LRRC53: variants seen among roughly 807,000 people sequenced by gnomAD.
LRRC53 encodes leucine rich repeat containing 53, also known as leucine-rich repeat-containing protein 53.
LRRC53 carries 25 observed loss-of-function variants against 13.6 expected under a neutral mutation model. The observed-to-expected ratio is 1.83, with a 90% CI of 1.34 to 2.56. The LOEUF is 2.56. Among genes scored for constraint, LRRC53 ranks in the 30% most tolerant of loss-of-function variants. The probability of loss-of-function intolerance (pLI) is 0.00; values close to 1 mark genes in which losing one functional copy is unlikely to be tolerated. For missense variants in LRRC53, 527 were observed against 275.8 expected, an observed-to-expected ratio of 1.91 and a Z score of -6.45; for synonymous variants, 204 against 109.8, an observed-to-expected ratio of 1.86 and a Z score of -5.37.
At chr1:74,502,082 C>T (rs191808056) in intron 1 of LRRC53, among the ~76,000 whole-genome samples, 6 of 152,186 alleles carry the variant, frequency 3.9e-5, no homozygotes, top group Non-Finnish European at 8.8e-5. Context: ...TGTATCTCTA[C>T]CATATAATCT....
intron 1 of LRRC53, among the ~76,000 whole-genome samples, chr1:74,509,747 C>CTTTTTTTTTTTTTTTT (rs68193106): frequency 2.1e-5 from 1 of 47,784 alleles, no homozygotes; most frequent in Non-Finnish European, 3.6e-5. Context: ...ATCTGAATTT[C>CTTTTTTTTTTTTTTTT]TTTTTTTTTT....
At chr1:74,512,475 T>C (rs997156556) in intron 1 of LRRC53, 51 bp downstream of exon 1, 14 of 152,160 alleles carry the variant, frequency 9.2e-5, no homozygotes, top group African/African-American at 3.1e-4. Context: ...AATAAAGGTG[T>C]AAAAATCCAG....
chr1:74,528,362 G>A, the LRRC53 span, among the ~76,000 whole-genome samples: 1 of 152,118 alleles, frequency 6.6e-6, no homozygotes, highest in South Asian at 2.1e-4. Context: ...AGTGAGGAGC[G>A]GACCCACTTG....
At chr1:74,484,600 A>G (rs1668659841) in intron 1 of LRRC53, among the ~76,000 whole-genome samples, 1 of 152,166 alleles carries the variant, frequency 6.6e-6, no homozygotes, top group South Asian at 2.1e-4. Flanking sequence ...TTTGAACAAT[A>G]AGCTGGAGAA....
At chr1:74,510,719 A>G (rs1670144118) in intron 1 of LRRC53, among the ~76,000 whole-genome samples, 4 of 152,206 alleles carry the variant, frequency 2.6e-5, no homozygotes, top group South Asian at 4.1e-4. Flanking sequence ...ATAAAGTTTA[A>G]TTAAATATGG....
At chr1:74,512,336 A>G (rs1670271704) in intron 1 of LRRC53, among the ~76,000 whole-genome samples, 190 bp downstream of exon 1, 1 of 152,180 alleles carries the variant, frequency 6.6e-6, no homozygotes, top group Non-Finnish European at 1.5e-5. Flanking sequence ...AACTGTGCAA[A>G]ACAGGCAACA....
intron 1 of LRRC53, among the ~76,000 whole-genome samples, chr1:74,494,979 G>A (rs1201800699): frequency 6.6e-6 from 1 of 152,168 alleles, no homozygotes; most frequent in Non-Finnish European, 1.5e-5. Flanking sequence ...GGGTGGAGGG[G>A]ACAGAGCTTC....
the LRRC53 span, among the ~76,000 whole-genome samples, chr1:74,519,694 A>G: frequency 6.6e-6 from 1 of 152,254 alleles, no homozygotes. Flanking sequence ...ATAACCCCAC[A>G]GAATATATCT....
rs1488940666 is a variant in LRRC53, at chr1:74,469,850, G to A, written c.*28C>T. The A allele has an allele frequency of 2.5e-6, 1 of 400,348 alleles. No individual in the cohort carries two copies. The highest frequency in any genetic ancestry group is 4.4e-6 in the Non-Finnish European group (1 of 225,918). The allele number at this position is 400,348 out of a possible 1,614,324, so 24.8% of individuals were successfully genotyped here. A position where few individuals can be genotyped will look rare whatever the true frequency, so the allele number is the denominator to read the frequency against. On this transcript the variant is annotated 3_prime_UTR_variant, in exon 5 of 5. Transcript: ENST00000294635. ...CTTGAAGAAAGCTAAAGTAGAAAAG[G>A]ATTATTATTTGAGTTATTTTGTTCA...
intron 1 of LRRC53, among the ~76,000 whole-genome samples, chr1:74,493,402 T>G (rs1243491893): frequency 6.6e-6 from 1 of 152,060 alleles, no homozygotes; most frequent in Non-Finnish European, 1.5e-5. Context: ...ACAAAAAGAT[T>G]AAGCAAAAAG....
the LRRC53 span, among the ~76,000 whole-genome samples, chr1:74,535,028 G>A: frequency 1.7e-5 from 2 of 118,060 alleles, no homozygotes; most frequent in Non-Finnish European, 3.5e-5. Context: ...GCTGTGGCAT[G>A]TATGTAAAAA....
chr1:74,516,148 T>C (rs1009785620), upstream of LRRC53, among the ~76,000 whole-genome samples: 2 of 152,174 alleles, frequency 1.3e-5, no homozygotes, highest in Non-Finnish European at 2.9e-5. Flanking sequence ...TGATAATAAC[T>C]CTGGTATTTC....
At chr1:74,506,226 T>C (rs1570715509) in intron 1 of LRRC53, among the ~76,000 whole-genome samples, 1 of 152,334 alleles carries the variant, frequency 6.6e-6, no homozygotes, top group East Asian at 1.9e-4. Context: ...CATAGACACT[T>C]AGTATGTTCT....
intron 2 of LRRC53, 67 bp from the exon 3 acceptor site, chr1:74,481,035 G>T: frequency 3.1e-6 from 2 of 635,446 alleles, no homozygotes; most frequent in Non-Finnish European, 5.8e-6. Flanking sequence ...GTATGGTGGA[G>T]AGCAGAGAAT....
At chr1:74,516,373 G>A (rs1646348089), upstream of LRRC53, among the ~76,000 whole-genome samples, 1 of 152,148 alleles carries the variant, frequency 6.6e-6, no homozygotes, top group Admixed American at 6.5e-5. Flanking sequence ...AATAAGACAT[G>A]GTTTCTGACT....
intron 1 of LRRC53, among the ~76,000 whole-genome samples, chr1:74,484,242 A>G (rs1021765167): frequency 4.0e-5 from 6 of 151,640 alleles, no homozygotes; most frequent in South Asian, 2.1e-4. Context: ...GCAAATTATA[A>G]TAAAACCCTC....
Position 74,471,963 on chromosome 1 carries a change from A to T in LRRC53, c.1659T>A (p.Asp553Glu), listed in dbSNP as rs761002793. The T allele has an allele frequency of 1.1e-5, 7 of 616,710 alleles. No homozygotes were observed. Among genetic ancestry groups the T allele is most frequent in the Admixed American group, 2.8e-5 (1 of 35,438 alleles). The allele number at this position is 616,710 out of a possible 1,614,324, so 38.2% of individuals were successfully genotyped here. A position where few individuals can be genotyped will look rare whatever the true frequency, so the allele number is the denominator to read the frequency against. ...IVQKNRSKYDDPCGLLKQSKP... is the reference protein window; with the variant it reads ...IVQKNRSKYDEPCGLLKQSKP... ...TGCTCTGTTTTAACAGTCCACAAGG[A>T]TCATCATATTTTGATCTATTTTTTT... Residue 553 changes from aspartate (D) to glutamate (E), a missense_variant, in exon 5 of 5, where the codon GAT becomes GAA. Asp to Glu is a conservative substitution (Grantham distance 45, BLOSUM62 2). Transcript: ENST00000294635.
intron 1 of LRRC53, among the ~76,000 whole-genome samples, chr1:74,504,824 G>A (rs1168815572): frequency 1.3e-5 from 2 of 152,036 alleles, no homozygotes; most frequent in African/African-American, 4.8e-5. Flanking sequence ...GCTTGTTAGC[G>A]ACCTAAAATG....
intron 1 of LRRC53, among the ~76,000 whole-genome samples, chr1:74,504,126 G>A (rs1158430017): frequency 6.6e-6 from 1 of 152,162 alleles, no homozygotes; most frequent in Non-Finnish European, 1.5e-5. Flanking sequence ...ACATATACAC[G>A]AAAAGTGAAA....
Sources: allele counts gnomAD v4.1 joint callset (sites outside exome capture counted in the v4.1 genomes callset), GRCh38; gene constraint gnomAD v4.1.1; transcripts MANE v1.5; gene names NCBI Gene and HGNC (gene_info 2026-07-23, HGNC 2026-07-21).